CDH13: variants seen among roughly 807,000 people sequenced by gnomAD.
CDH13 encodes cadherin-13.
Under a neutral mutation model 63.8 loss-of-function variants are expected in CDH13, and 24 were observed. The observed-to-expected ratio is 0.38, with a 90% CI of 0.27 to 0.53. The LOEUF is 0.53. Among genes scored for constraint, CDH13 ranks in the 20% least tolerant of loss-of-function variants. CDH13 has a pLI of 0.85. For missense variants in CDH13, 1,049 were observed against 903.1 expected, an observed-to-expected ratio of 1.16 and a Z score of -2.07; for synonymous variants, 503 against 355.3, an observed-to-expected ratio of 1.42 and a Z score of -4.67.
intron 2 of CDH13, among the ~76,000 whole-genome samples, chr16:82,999,253 T>C (rs987982183): frequency 1.3e-5 from 2 of 152,148 alleles, no homozygotes; most frequent in African/African-American, 2.4e-5. Flanking sequence ...GTTGTTTTTT[T>C]CCCCCCTCCT....
In CDH13 at chr16:83,678,349, G is replaced by C; in HGVS notation, c.1426G>C (p.Val476Leu). ...TGTCCTGGATGTCAACGAGGGCCCA[G>C]TCTTCTACCCAGACCCCATGATGGT... Reference protein sequence around the residue: ...ITVLDVNEGPVFYPDPMMVTR... With the variant: ...ITVLDVNEGPLFYPDPMMVTR... Residue 476 changes from valine (V) to leucine (L), a missense_variant, in exon 10 of 14, where the codon GTC becomes CTC. Val to Leu is a conservative substitution (Grantham distance 32, BLOSUM62 1). Transcript: ENST00000567109. The C allele has an allele frequency of 1.2e-6, 2 of 1,613,980 alleles. No individual in the cohort carries two copies. Among genetic ancestry groups the C allele is most frequent in the Non-Finnish European group, 1.7e-6 (2 of 1,179,890 alleles).
chr16:83,237,727 G>A (rs935457493), intron 5 of CDH13, among the ~76,000 whole-genome samples: 10 of 152,100 alleles, frequency 6.6e-5, no homozygotes, highest in Admixed American at 3.9e-4. Flanking sequence ...TTGTTTAATC[G>A]TGAACTTTAG....
intron 2 of CDH13, among the ~76,000 whole-genome samples, chr16:82,975,583 C>T (rs1394421489): frequency 1.3e-5 from 2 of 152,178 alleles, no homozygotes; most frequent in African/African-American, 4.8e-5. Flanking sequence ...AGTTGGCACC[C>T]AACAAATAAT....
chr16:83,417,015 C>A (rs977372459), intron 6 of CDH13, among the ~76,000 whole-genome samples: 3 of 152,158 alleles, frequency 2.0e-5, no homozygotes, highest in Non-Finnish European at 4.4e-5. Flanking sequence ...TTATTGACAA[C>A]CTTTTCTGAA....
At chr16:83,223,241 C>G (rs559190617) in intron 5 of CDH13, among the ~76,000 whole-genome samples, 1 of 152,208 alleles carries the variant, frequency 6.6e-6, no homozygotes, top group Non-Finnish European at 1.5e-5. Context: ...AGGCCATTCT[C>G]TTCTTGCAAT....
intron 8 of CDH13, among the ~76,000 whole-genome samples, chr16:83,658,174 CA>C: frequency 6.9e-6 from 1 of 145,782 alleles, no homozygotes; most frequent in South Asian, 2.3e-4. Context: ...TCCTCACCAG[CA>C]AGGTCCCATA....
intron 1 of CDH13, chr16:82,823,156 T>G (rs1235093766): frequency 6.6e-6 from 1 of 152,232 alleles, no homozygotes; most frequent in East Asian, 1.9e-4. Context: ...CTTTTATGAC[T>G]TAGTGTCAGA....
intron 1 of CDH13, among the ~76,000 whole-genome samples, chr16:82,807,878 A>C (rs1318115973): frequency 6.6e-6 from 1 of 152,194 alleles, no homozygotes; most frequent in Non-Finnish European, 1.5e-5. Context: ...CTTAAGACAC[A>C]ATTCTCAAGA....
intron 10 of CDH13, among the ~76,000 whole-genome samples, chr16:83,716,257 C>A (rs1010801656): frequency 2.0e-5 from 3 of 152,070 alleles, no homozygotes; most frequent in Non-Finnish European, 4.4e-5. Context: ...ACTAATGAAC[C>A]TACCTTGACA....
At chr16:83,487,486 G>A (rs1003797883) in intron 7 of CDH13, among the ~76,000 whole-genome samples, 5 of 152,026 alleles carry the variant, frequency 3.3e-5, no homozygotes, top group African/African-American at 7.3e-5. Flanking sequence ...ACGTTTCCAC[G>A]TGCATGGGCC....
At chr16:83,030,598 G>A (rs755353371) in intron 2 of CDH13, among the ~76,000 whole-genome samples, 27 of 137,480 alleles carry the variant, frequency 2.0e-4, no homozygotes, top group Admixed American at 1.4e-3. Flanking sequence ...AGCCAAGATC[G>A]CGCCACTGCA....
intron 4 of CDH13, among the ~76,000 whole-genome samples, chr16:83,215,908 T>A (rs911772819): frequency 1.3e-5 from 2 of 152,194 alleles, no homozygotes; most frequent in African/African-American, 4.8e-5. Context: ...TAAATATAGA[T>A]GAATACTTGA....
intron 5 of CDH13, among the ~76,000 whole-genome samples, chr16:83,255,210 G>T (rs1174592421): frequency 6.6e-6 from 1 of 152,110 alleles, no homozygotes; most frequent in Non-Finnish European, 1.5e-5. Flanking sequence ...CCAAGTATGG[G>T]CACATTATAA....
intron 7 of CDH13, among the ~76,000 whole-genome samples, chr16:83,568,446 T>A (rs78072951): frequency 1.1e-3 from 160 of 152,332 alleles, no homozygotes; most frequent in African/African-American, 3.6e-3. Context: ...TTTCTGAGCA[T>A]AATGAATGTC....
At chr16:83,606,321 G>A (rs1908326430) in intron 8 of CDH13, among the ~76,000 whole-genome samples, 1 of 152,186 alleles carries the variant, frequency 6.6e-6, no homozygotes, top group African/African-American at 2.4e-5. Context: ...CCTCTCCGGA[G>A]AGATGTATCC....
chr16:83,579,673 C>T (rs1905369710), intron 7 of CDH13, among the ~76,000 whole-genome samples: 1 of 152,074 alleles, frequency 6.6e-6, no homozygotes, highest in South Asian at 2.1e-4. Flanking sequence ...TCATTTATTT[C>T]ATTCACAAGT....
intron 6 of CDH13, among the ~76,000 whole-genome samples, chr16:83,457,198 G>A (rs763479810): frequency 2.0e-5 from 3 of 152,166 alleles, no homozygotes; most frequent in Admixed American, 2.0e-4. Context: ...GGGGTAATAA[G>A]AGCACTGACA....
intron 2 of CDH13, among the ~76,000 whole-genome samples, chr16:83,018,627 A>G (rs1014446016): frequency 6.6e-6 from 1 of 152,172 alleles, no homozygotes; most frequent in Admixed American, 6.5e-5. Flanking sequence ...GCATTGTTTA[A>G]CCATAGGGAT....
At chr16:83,547,606 T>C (rs780632668) in intron 7 of CDH13, among the ~76,000 whole-genome samples, 50 of 152,228 alleles carry the variant, frequency 3.3e-4, no homozygotes, top group Non-Finnish European at 1.6e-4. Flanking sequence ...TCCAGCTCCA[T>C]CCATGTTCCT....
Sources: gnomAD v4.1 joint callset for allele counts (sites outside exome capture counted in the v4.1 genomes callset) on GRCh38, gnomAD v4.1.1 for gene constraint, MANE v1.5 for transcripts, NCBI Gene and HGNC (gene_info 2026-07-23, HGNC 2026-07-21) for gene names.